Variants in SIK3 observed in about 807,000 individuals in gnomAD.
SIK3 encodes the protein SIK family kinase 3.
SIK3 carries 28 observed loss-of-function variants against 144.2 expected under a neutral mutation model. The observed-to-expected ratio is 0.19, with a 90% CI of 0.14 to 0.27. SIK3 has a LOEUF of 0.27. Among genes scored for constraint, SIK3 ranks in the 10% least tolerant of loss-of-function variants. The pLI is 1.00. For synonymous variants in SIK3, 686 were observed against 676.3 expected, an observed-to-expected ratio of 1.01 and a Z score of -0.22; for missense variants, 1,319 against 1,776.0, an observed-to-expected ratio of 0.74 and a Z score of 4.62.
chr11:117,042,954 C>T (rs1403762613), intron 1 of SIK3, among the ~76,000 whole-genome samples: 1 of 152,162 alleles, frequency 6.6e-6, no homozygotes, highest in Non-Finnish European at 1.5e-5. Flanking sequence ...TATTGTGCAA[C>T]AATGATATCT....
At chr11:117,049,947 G>A (rs1344864065) in intron 1 of SIK3, among the ~76,000 whole-genome samples, 4 of 110,664 alleles carry the variant, frequency 3.6e-5, no homozygotes, top group African/African-American at 7.4e-5. Context: ...GCGTCTGAGC[G>A]AAAACCTGTC....
chr11:116,970,377 A>T (rs1949723827), intron 1 of SIK3, among the ~76,000 whole-genome samples: 1 of 152,184 alleles, frequency 6.6e-6, no homozygotes, highest in African/African-American at 2.4e-5. Context: ...TTAAGTTTTT[A>T]AATTGACATT....
intron 1 of SIK3, among the ~76,000 whole-genome samples, chr11:117,046,244 GCAAAATACCATGACA>G (rs1157000758): frequency 6.6e-6 from 1 of 152,194 alleles, no homozygotes; most frequent in African/African-American, 2.4e-5. Context: ...TAAGCAAACA[GCAAAATACCATGACA>G]CAATTAAGGC....
intron 1 of SIK3, among the ~76,000 whole-genome samples, chr11:117,081,648 A>G (rs894623395): frequency 2.0e-5 from 3 of 152,240 alleles, no homozygotes; most frequent in African/African-American, 7.2e-5. Flanking sequence ...AATCAAAAAA[A>G]TAAAGTCTTT....
At chr11:116,947,420 G>C (rs955641997) in intron 3 of SIK3, among the ~76,000 whole-genome samples, 1 of 149,810 alleles carries the variant, frequency 6.7e-6, no homozygotes, top group Admixed American at 6.8e-5. Flanking sequence ...AAGAGCTTTA[G>C]AAGGAAACAG....
At chr11:116,957,590 C>G (rs1260061905) in intron 1 of SIK3, among the ~76,000 whole-genome samples, 1 of 152,130 alleles carries the variant, frequency 6.6e-6, no homozygotes, top group Non-Finnish European at 1.5e-5. Context: ...GTGGTGGCAG[C>G]AGCAGTAGCA....
At chr11:116,959,841 G>T (rs1477049162) in intron 1 of SIK3, among the ~76,000 whole-genome samples, 4 of 152,114 alleles carry the variant, frequency 2.6e-5, no homozygotes, top group African/African-American at 9.7e-5. Flanking sequence ...CATAAGTCAA[G>T]AAATATCTGT....
chr11:116,889,822 A>AGGAGGC (rs1341190549), intron 6 of SIK3, among the ~76,000 whole-genome samples: 1 of 152,206 alleles, frequency 6.6e-6, no homozygotes, highest in South Asian at 2.1e-4. Flanking sequence ...GCTTGGGCCC[A>AGGAGGC]GGAGGCGGAG....
chr11:116,867,622 G>A lies in SIK3; in HGVS notation c.1952+324C>T, dbSNP rs1323769300. The A allele has an allele frequency of 2.2e-5, 5 of 231,032 alleles. No homozygotes were observed. Among genetic ancestry groups the A allele is most frequent in the African/African-American group, 6.8e-5 (3 of 44,382 alleles). 14.3% of individuals were successfully genotyped at this position (231,032 alleles called of 1,614,324 possible). On this transcript the variant is annotated intron_variant, in intron 15 of 24. Coordinates refer to ENST00000445177, the MANE Select transcript of SIK3 (RefSeq NM_001366686.3). The surrounding 1 kb of genome is among the most constrained non-coding windows in gnomAD (Gnocchi z 4.1). ...GCTAAAAATCTTCCTGTTTCCAGGT[G>A]GCCTTCTGAGAGTTTCACTTTCTTG... is the stretch of plus-strand genomic sequence containing the variant.
At chr11:117,031,835 C>G (rs1952278254) in intron 1 of SIK3, among the ~76,000 whole-genome samples, 1 of 151,774 alleles carries the variant, frequency 6.6e-6, no homozygotes, top group Non-Finnish European at 1.5e-5. Context: ...AGCCACCGCA[C>G]CAGGCCAGCA....
rs1941730303 is a variant in SIK3, at chr11:116,844,052, C to A, written c.*1591G>T. On this transcript the variant is annotated 3_prime_UTR_variant, in exon 25 of 25. Coordinates refer to ENST00000445177, the MANE Select transcript of SIK3 (RefSeq NM_001366686.3). Reference sequence around the variant, plus strand: ...GAGGGGACTCGGGACCTCTTGCTCTCCTTTCCCAGAAAAAAAAAGGGTGGA... The same window carrying A: ...GAGGGGACTCGGGACCTCTTGCTCTACTTTCCCAGAAAAAAAAAGGGTGGA... 6.6e-6 allele frequency: 1 copy of A among 152,066 alleles called. No homozygotes were observed. Among genetic ancestry groups the A allele is most frequent in the Non-Finnish European group, 1.5e-5 (1 of 68,028 alleles). The allele number at this position is 152,066 out of a possible 1,614,324, so 9.4% of individuals were successfully genotyped here.
At chr11:117,056,793 T>A (rs1953556731) in intron 1 of SIK3, among the ~76,000 whole-genome samples, 1 of 152,162 alleles carries the variant, frequency 6.6e-6, no homozygotes, top group African/African-American at 2.4e-5. Flanking sequence ...CAACCAAGGA[T>A]ATACCTACAA....
At chr11:116,988,086 C>T (rs749726424) in intron 1 of SIK3, among the ~76,000 whole-genome samples, 1 of 152,094 alleles carries the variant, frequency 6.6e-6, no homozygotes, top group Non-Finnish European at 1.5e-5. Context: ...CAAGCAAAGC[C>T]TAAGTACAAA....
At position 116,858,606 on chromosome 11, in the gene SIK3, G is replaced by A. The variant is rs762932279; in HGVS notation, c.2859C>T (p.Ser953=). The change falls in exon 21 of 25, where the codon AGC becomes AGT. Residue 953 remains serine (S), a synonymous_variant. Coordinates refer to ENST00000445177, the MANE Select transcript of SIK3 (RefSeq NM_001366686.3). The surrounding 1 kb of genome is among the most constrained non-coding windows in gnomAD (Gnocchi z 5.4). The part of the protein sequence containing the change: ...FSDQSRGSPS[S]YSPSTGVGFS... ...ACCCCACTCCTGTTGAAGGGCTGTA[G>A]CTGCTGGGGGAACCCCGGGACTGGT... The A allele has an allele frequency of 1.2e-6, 2 of 1,612,846 alleles. No homozygotes were observed. Among genetic ancestry groups the A allele is most frequent in the Non-Finnish European group, 1.7e-6 (2 of 1,179,390 alleles).
chr11:116,929,164 A>G (rs1947455412), intron 3 of SIK3, among the ~76,000 whole-genome samples: 2 of 152,176 alleles, frequency 1.3e-5, no homozygotes, highest in Admixed American at 1.3e-4. Flanking sequence ...TTAAGAGGCC[A>G]TTTTCTAACA....
intron 1 of SIK3, among the ~76,000 whole-genome samples, chr11:117,029,981 G>T (rs988028362): frequency 6.6e-6 from 1 of 151,106 alleles, no homozygotes; most frequent in Non-Finnish European, 1.5e-5. Flanking sequence ...AAGAGGGAGA[G>T]CACAGAACCT....
chr11:116,912,111 T>C (rs1946380918), intron 4 of SIK3, among the ~76,000 whole-genome samples: 1 of 152,206 alleles, frequency 6.6e-6, no homozygotes, highest in African/African-American at 2.4e-5. Flanking sequence ...CCTAGTTGGT[T>C]AGCATTTGTC....
At chr11:117,042,731 A>G (rs547310071) in intron 1 of SIK3, among the ~76,000 whole-genome samples, 1 of 152,358 alleles carries the variant, frequency 6.6e-6, no homozygotes, top group South Asian at 2.1e-4. Flanking sequence ...GCCCTCCCTT[A>G]AAATAATATC....
intron 4 of SIK3, among the ~76,000 whole-genome samples, chr11:116,905,236 C>G (rs1486323787): frequency 6.6e-6 from 1 of 152,228 alleles, no homozygotes; most frequent in Non-Finnish European, 1.5e-5. Context: ...GCTTCTTTCA[C>G]TGAGCATAAT....
Sources: gnomAD v4.1 joint callset for allele counts (sites outside exome capture counted in the v4.1 genomes callset) on GRCh38, gnomAD v4.1.1 for gene constraint, Gnocchi (gnomAD v3.1) non-coding constraint, MANE v1.5 for transcripts, NCBI Gene and HGNC (gene_info 2026-07-23, HGNC 2026-07-21) for gene names.